SIRT1: variants seen among roughly 807,000 people sequenced by gnomAD.
SIRT1 encodes sirtuin 1.
SIRT1 carries 24 observed loss-of-function variants against 67.9 expected under a neutral mutation model. The ratio of observed to expected loss-of-function variants is 0.35; its 90% CI spans 0.26 to 0.50. SIRT1 has a LOEUF of 0.50. SIRT1 is among the 20% of genes least tolerant of loss of function. The probability of loss-of-function intolerance (pLI) is 0.98; values close to 1 mark genes in which losing one functional copy is unlikely to be tolerated. For missense variants in SIRT1, 873 were observed against 937.2 expected, an observed-to-expected ratio of 0.93 and a Z score of 0.89; for synonymous variants, 378 against 350.7, an observed-to-expected ratio of 1.08 and a Z score of -0.87.
intron 6 of SIRT1, among the ~76,000 whole-genome samples, chr10:67,908,837 G>C (rs1269863903): frequency 6.6e-6 from 1 of 152,170 alleles, no homozygotes; most frequent in East Asian, 1.9e-4. Flanking sequence ...GGGAGGTGGA[G>C]GTTGTAGTGA....
intron 4 of SIRT1, among the ~76,000 whole-genome samples, chr10:67,895,760 T>TTTTTTTTG (rs1459241769): frequency 7.3e-6 from 1 of 137,048 alleles, no homozygotes; most frequent in Non-Finnish European, 1.5e-5. Context: ...TTTTTTTTTT[T>TTTTTTTTG]GAGACAGTTT....
At position 67,916,657 on chromosome 10, in the gene SIRT1, G is replaced by T. The variant is rs965060387; in HGVS notation, c.*64G>T. On this transcript the variant is annotated 3_prime_UTR_variant, in exon 9 of 9. Transcript: ENST00000212015. ...ATTAGGAACTTTAGCATGTCAAAAT[G>T]AATGTTTACTTGTGAACTCGATAGA... 7.3e-5 allele frequency: 101 copies of T among 1,374,834 alleles called. No individual in the cohort carries two copies. Among genetic ancestry groups the T allele is most frequent in the Non-Finnish European group, 9.9e-5 (100 of 1,005,852 alleles). The allele number at this position is 1,374,834 out of a possible 1,614,324, so 85.2% of individuals were successfully genotyped here. A position where few individuals can be genotyped will look rare whatever the true frequency, so the allele number is the denominator to read the frequency against.
intron 4 of SIRT1, among the ~76,000 whole-genome samples, chr10:67,905,421 T>TA (rs1240883460): frequency 6.6e-6 from 1 of 152,254 alleles, no homozygotes; most frequent in Non-Finnish European, 1.5e-5. Context: ...TTGTGATAAA[T>TA]ATTTGAATCT....
At chr10:67,885,191 C>T (rs1308810985) in intron 1 of SIRT1, 40 bp downstream of exon 1, 5 of 1,306,266 alleles carry the variant, frequency 3.8e-6, no homozygotes, top group South Asian at 4.5e-5. Context: ...GCATCTCCTC[C>T]TCCCTCTCCC....
chr10:67,899,309 A>C (rs1399445028), intron 4 of SIRT1, among the ~76,000 whole-genome samples: 1 of 151,406 alleles, frequency 6.6e-6, no homozygotes, highest in Admixed American at 6.6e-5. Flanking sequence ...TAGCATTAAA[A>C]AAAAAGTTAT....
intron 2 of SIRT1, 52 bp downstream of exon 2, chr10:67,887,585 GTTTGT>G (rs1842504977): frequency 7.8e-7 from 1 of 1,284,132 alleles, no homozygotes; most frequent in Non-Finnish European, 1.1e-6. Context: ...TTTTTGGTTT[GTTTGT>G]TTTGAGACAG....
chr10:67,903,981 A>G (rs1183867223), intron 4 of SIRT1, among the ~76,000 whole-genome samples: 1 of 152,128 alleles, frequency 6.6e-6, no homozygotes, highest in African/African-American at 2.4e-5. Context: ...TCACCATGGA[A>G]GAGTTAATCC....
intron 4 of SIRT1, among the ~76,000 whole-genome samples, chr10:67,903,391 C>T (rs1589078505): frequency 6.7e-6 from 1 of 148,206 alleles, no homozygotes; most frequent in African/African-American, 2.5e-5. Context: ...GCAGATAGTT[C>T]TTTTTTTTTT....
chr10:67,915,919 G>A (rs1290641964), intron 8 of SIRT1, among the ~76,000 whole-genome samples: 1 of 152,146 alleles, frequency 6.6e-6, no homozygotes. Flanking sequence ...AGGCACAGAG[G>A]TACACTTACA....
At chr10:67,885,941 C>CTTTTTTTTT (rs766544980) in intron 1 of SIRT1, among the ~76,000 whole-genome samples, 4 of 95,566 alleles carry the variant, frequency 4.2e-5, no homozygotes, top group African/African-American at 4.1e-5. Context: ...TTGAAGGTTT[C>CTTTTTTTTT]TTTTTTTTTT....
chr10:67,886,652 T>A lies in SIRT1; in HGVS notation c.431-765T>A, dbSNP rs1276562405. On this transcript the variant is annotated intron_variant, in intron 1 of 8. Transcript: ENST00000212015. ...AACACAGTTGAGTACTAATTTATTA[T>A]TTACCTAATAATAATTGTGTTATTA... Among the ~76,000 whole-genome samples, 5 of 152,196 alleles carry A rather than the reference T, an allele frequency of 3.3e-5. No individual in the cohort carries two copies. The East Asian group carries it at 9.7e-4, about 29-fold the overall frequency.
At chr10:67,905,845 A>G (rs1292803797) in intron 4 of SIRT1, among the ~76,000 whole-genome samples, 1 of 152,190 alleles carries the variant, frequency 6.6e-6, no homozygotes, top group Non-Finnish European at 1.5e-5. Context: ...ATCTCCCTCA[A>G]TTCTTTTTAA....
chr10:67,886,266 G>A (rs1330620727), intron 1 of SIRT1, among the ~76,000 whole-genome samples: 2 of 151,512 alleles, frequency 1.3e-5, no homozygotes, highest in African/African-American at 4.8e-5. Context: ...GATCTGAGGA[G>A]TTTCTATCCT....
chr10:67,902,361 C>T (rs1842757768), intron 4 of SIRT1, among the ~76,000 whole-genome samples: 1 of 152,152 alleles, frequency 6.6e-6, no homozygotes, highest in Non-Finnish European at 1.5e-5. Context: ...CCAATCCCAC[C>T]TCCACCCCCT....
intron 4 of SIRT1, among the ~76,000 whole-genome samples, chr10:67,895,736 TTTTTTTTTTTTG>T (rs1353986011): frequency 1.5e-4 from 12 of 82,114 alleles, no homozygotes; most frequent in East Asian, 1.0e-3. Context: ...TTAACTTGTT[TTTTTTTTTTTTG>T]TTTTTTTTTT....
chr10:67,885,457 A>G, intron 1 of SIRT1: 2 of 1,139,140 alleles, frequency 1.8e-6, no homozygotes, highest in Non-Finnish European at 2.2e-6. Flanking sequence ...TTACTCTTTT[A>G]GCATATTGCT....
chr10:67,911,192 A>G (rs1475570550), intron 7 of SIRT1, among the ~76,000 whole-genome samples: 1 of 152,170 alleles, frequency 6.6e-6, no homozygotes, highest in Non-Finnish European at 1.5e-5. Context: ...TCTGCTTAAA[A>G]GCTTTTCTTT....
chr10:67,899,500 G>GA (rs1431753185), intron 4 of SIRT1, among the ~76,000 whole-genome samples: 2 of 151,334 alleles, frequency 1.3e-5, no homozygotes, highest in African/African-American at 2.4e-5. Flanking sequence ...CATTCAGGGG[G>GA]AAAAAAAATT....
intron 1 of SIRT1, among the ~76,000 whole-genome samples, chr10:67,886,019 C>T (rs748730968): frequency 2.1e-5 from 3 of 143,990 alleles, no homozygotes; most frequent in Non-Finnish European, 3.0e-5. Context: ...GATCTCGGCT[C>T]AGTGCAACCT....
Sources: gnomAD v4.1 joint callset for allele counts (sites outside exome capture counted in the v4.1 genomes callset) on GRCh38, gnomAD v4.1.1 for gene constraint, MANE v1.5 for transcripts, NCBI Gene and HGNC (gene_info 2026-07-23, HGNC 2026-07-21) for gene names.